The following FBXO34 variants were observed in gnomAD, a reference collection of about 807,000 sequenced individuals.
FBXO34 encodes F-box protein 34.
In FBXO34, 12 loss-of-function variants were observed where a neutral mutation model predicts 24.5. That is an observed-to-expected ratio of 0.49 (90% CI 0.31 to 0.79). FBXO34 has a LOEUF of 0.79. Among genes scored for constraint, FBXO34 ranks in the 30% least tolerant of loss-of-function variants. FBXO34 has a pLI of 0.04. For missense variants in FBXO34, 823 were observed against 857.7 expected (o/e 0.96, Z 0.51); for synonymous variants, 320 against 311.9 (o/e 1.03, Z -0.27).
chr14:55,354,139 C>G (rs1212561862), downstream of FBXO34, among the ~76,000 whole-genome samples: 1 of 152,188 alleles, frequency 6.6e-6, no homozygotes, highest in Non-Finnish European at 1.5e-5. Flanking sequence ...CCAGGCTCAT[C>G]AGATTTGTCT....
chr14:55,416,853 T>C, the FBXO34 span, among the ~76,000 whole-genome samples: 2 of 152,254 alleles, frequency 1.3e-5, no homozygotes, highest in Non-Finnish European at 2.9e-5. Context: ...TCATATTTAA[T>C]TGAGGAACAG....
At chr14:55,293,714 CAGAAT>C (rs1355694113) in intron 1 of FBXO34, among the ~76,000 whole-genome samples, 6 of 151,914 alleles carry the variant, frequency 3.9e-5, no homozygotes, top group Admixed American at 2.6e-4. Flanking sequence ...GTTCCTGTGA[CAGAAT>C]AGAAAGTATT....
intron 1 of FBXO34, among the ~76,000 whole-genome samples, chr14:55,275,104 A>C (rs185809404): frequency 4.6e-5 from 7 of 152,318 alleles, no homozygotes; most frequent in African/African-American, 1.7e-4. Context: ...AGCTGATGAC[A>C]TACTTTATTT....
intron 1 of FBXO34, among the ~76,000 whole-genome samples, chr14:55,337,352 TAAATC>T (rs1883818920): frequency 6.6e-6 from 1 of 152,354 alleles, no homozygotes; most frequent in African/African-American, 2.4e-5. Flanking sequence ...TTTTTGTAAA[TAAATC>T]CGTTATAAAT....
At chr14:55,368,899 C>T (rs1053202219), downstream of FBXO34, 1 of 152,372 alleles carries the variant, frequency 6.6e-6, no homozygotes, top group African/African-American at 2.4e-5. Flanking sequence ...CCTCAGAATA[C>T]AAGAAAATAG....
the FBXO34 span, among the ~76,000 whole-genome samples, chr14:55,392,194 C>T: frequency 6.6e-6 from 1 of 152,278 alleles, no homozygotes; most frequent in East Asian, 1.9e-4. Context: ...GAAACTAATG[C>T]CACCACTGAT....
chr14:55,345,936 G>T (rs1884145869), intron 1 of FBXO34, among the ~76,000 whole-genome samples: 1 of 152,182 alleles, frequency 6.6e-6, no homozygotes, highest in Non-Finnish European at 1.5e-5. Context: ...AGCCTGGGAG[G>T]TTGAGGCTGC....
chr14:55,274,809 C>G (rs1380513258), intron 1 of FBXO34, among the ~76,000 whole-genome samples: 4 of 152,220 alleles, frequency 2.6e-5, no homozygotes, highest in Non-Finnish European at 4.4e-5. Context: ...ACATACTTAT[C>G]TTTAGAGACA....
chr14:55,298,903 C>G (rs1882240007), intron 1 of FBXO34: 4 of 1,585,314 alleles, frequency 2.5e-6, no homozygotes, highest in Non-Finnish European at 3.5e-6. Flanking sequence ...CTGGAGAATG[C>G]CAACACCAAT....
chr14:55,290,284 T>C (rs1451578774), intron 1 of FBXO34, among the ~76,000 whole-genome samples: 1 of 151,768 alleles, frequency 6.6e-6, no homozygotes, highest in Admixed American at 6.6e-5. Flanking sequence ...TCCCAGCTAC[T>C]TGGAGGCAGA....
chr14:55,312,576 G>T (rs1026310704), intron 1 of FBXO34, among the ~76,000 whole-genome samples: 20 of 152,238 alleles, frequency 1.3e-4, no homozygotes, highest in African/African-American at 4.8e-4. Flanking sequence ...ACTTCTGCCT[G>T]ATCATCCAGA....
chr14:55,274,548 G>A (rs1345422772), intron 1 of FBXO34, among the ~76,000 whole-genome samples: 2 of 152,008 alleles, frequency 1.3e-5, no homozygotes, highest in African/African-American at 2.4e-5. Flanking sequence ...TAATTTGAAG[G>A]CACTAAATTA....
chr14:55,394,976 G>A, the FBXO34 span: 3 of 429,548 alleles, frequency 7.0e-6, no homozygotes, highest in South Asian at 5.1e-5. Flanking sequence ...CACTTCAAAG[G>A]GGCTCTCCTC....
chr14:55,398,155 G>A, the FBXO34 span, among the ~76,000 whole-genome samples: 8,858 of 152,122 alleles, frequency 0.058, 324 homozygotes, highest in South Asian at 0.089. Context: ...GTTTCACTGT[G>A]TTAGCAAGGA....
downstream of FBXO34, among the ~76,000 whole-genome samples, chr14:55,358,181 C>T (rs1361137613): frequency 1.3e-5 from 2 of 152,210 alleles, no homozygotes; most frequent in East Asian, 3.9e-4. Flanking sequence ...CTCTCCTAAG[C>T]AGAGATGACT....
chr14:55,411,665 A>G, the FBXO34 span: 4 of 1,613,470 alleles, frequency 2.5e-6, no homozygotes, highest in Non-Finnish European at 3.4e-6. Flanking sequence ...GGCGCAGGTC[A>G]GCCGCCGGCG....
the FBXO34 span, among the ~76,000 whole-genome samples, chr14:55,408,289 C>CA: frequency 6.6e-6 from 1 of 151,856 alleles, no homozygotes; most frequent in Admixed American, 6.6e-5. Context: ...CCTGTCTTTA[C>CA]AAAAAATACA....
the FBXO34 span, among the ~76,000 whole-genome samples, chr14:55,385,240 A>G: frequency 6.6e-6 from 1 of 152,186 alleles, no homozygotes; most frequent in Admixed American, 6.5e-5. Flanking sequence ...CATGCCTCAC[A>G]ACACACAACT....
Position 55,284,773 on chromosome 14 carries a change from G to A in FBXO34, c.-11+13236G>A, listed in dbSNP as rs997135172. Among the ~76,000 whole-genome samples the A allele has an allele frequency of 1.1e-4, 17 of 149,476 alleles. 1 individual carries two copies. In the Middle Eastern group the frequency reaches 0.01, roughly 91 times the overall value. On this transcript the variant is annotated intron_variant, in intron 1 of 1. Coordinates refer to ENST00000313833, the MANE Select transcript of FBXO34 (RefSeq NM_017943.4). ...TGGGACTACAGGCATGTGCCACCAC[G>A]TCCAGCTGATTTTTGTATCTTTTGT...
Sources: gnomAD v4.1 joint callset for allele counts (sites outside exome capture counted in the v4.1 genomes callset) on GRCh38, gnomAD v4.1.1 for gene constraint, MANE v1.5 for transcripts, NCBI Gene and HGNC (gene_info 2026-07-23, HGNC 2026-07-21) for gene names.